Variants in GABRA2 observed in about 807,000 individuals in gnomAD.
GABRA2 encodes gamma-aminobutyric acid type A receptor subunit alpha2, also known as gamma-aminobutyric acid receptor subunit alpha-2.
Under a neutral mutation model 48.7 loss-of-function variants are expected in GABRA2, and 16 were observed. That is an observed-to-expected ratio of 0.33 (90% CI 0.22 to 0.50). The LOEUF (loss-of-function observed/expected upper bound fraction) is 0.50. Ranked by LOEUF, GABRA2 falls within the 20% of genes least tolerant of loss-of-function variation. GABRA2 has a pLI of 0.98. For synonymous variants in GABRA2, 185 were observed against 184.5 expected (o/e 1.00, Z -0.02); for missense variants, 275 against 535.6 (o/e 0.51, Z 4.80).
chr4:46,357,492 C>A (rs1321712018), intron 3 of GABRA2, among the ~76,000 whole-genome samples: 1 of 150,138 alleles, frequency 6.7e-6, no homozygotes, highest in Admixed American at 6.7e-5. Flanking sequence ...TGTGTATAAC[C>A]TTGGCCAATT....
chr4:46,335,373 A>G (rs778198427), intron 3 of GABRA2, among the ~76,000 whole-genome samples: 1 of 152,160 alleles, frequency 6.6e-6, no homozygotes, highest in African/African-American at 2.4e-5. Flanking sequence ...GAACAGATGT[A>G]TGTTACAGAG....
At chr4:46,355,155 T>C (rs1254250215) in intron 3 of GABRA2, among the ~76,000 whole-genome samples, 1 of 152,122 alleles carries the variant, frequency 6.6e-6, no homozygotes, top group Admixed American at 6.6e-5. Context: ...GTGCTAAAAA[T>C]TTATATTAAA....
At chr4:46,284,136 G>T (rs1398686934) in intron 8 of GABRA2, among the ~76,000 whole-genome samples, 1 of 149,730 alleles carries the variant, frequency 6.7e-6, no homozygotes, top group Non-Finnish European at 1.5e-5. Flanking sequence ...AAAAATACAA[G>T]TTCATAATTC....
intron 3 of GABRA2, chr4:46,365,532 G>A (rs1439986763): frequency 6.6e-6 from 1 of 151,996 alleles, no homozygotes; most frequent in Non-Finnish European, 1.5e-5. Flanking sequence ...AAATCAAAAG[G>A]CACATGGGAA....
intron 4 of GABRA2, among the ~76,000 whole-genome samples, chr4:46,331,423 G>A (rs1028887218): frequency 2.6e-5 from 4 of 152,106 alleles, no homozygotes; most frequent in African/African-American, 4.8e-5. Flanking sequence ...TAACGGAAAC[G>A]TAGGGAGCTC....
intron 5 of GABRA2, among the ~76,000 whole-genome samples, chr4:46,310,770 T>A (rs985069220): frequency 6.6e-6 from 1 of 152,194 alleles, no homozygotes; most frequent in Admixed American, 6.5e-5. Context: ...TAAATACATA[T>A]ACAGATGTAT....
chr4:46,383,007 T>A (rs1193718585), intron 3 of GABRA2, among the ~76,000 whole-genome samples: 4 of 152,130 alleles, frequency 2.6e-5, no homozygotes, highest in African/African-American at 9.7e-5. Flanking sequence ...TACAGGTAAT[T>A]TCCCTGAGTT....
At chr4:46,347,932 A>G (rs1234190220) in intron 3 of GABRA2, among the ~76,000 whole-genome samples, 1 of 152,022 alleles carries the variant, frequency 6.6e-6, no homozygotes, top group East Asian at 1.9e-4. Flanking sequence ...AAAGGTTCTA[A>G]TTAAATTAAA....
At chr4:46,343,603 T>G (rs1360200817) in intron 3 of GABRA2, among the ~76,000 whole-genome samples, 1 of 151,896 alleles carries the variant, frequency 6.6e-6, no homozygotes, top group Admixed American at 6.6e-5. Context: ...AGAAGAATAA[T>G]ACAAGGTGGA....
chr4:46,252,403 G>C (rs147861190), intron 9 of GABRA2, among the ~76,000 whole-genome samples: 1 of 151,426 alleles, frequency 6.6e-6, no homozygotes, highest in Non-Finnish European at 1.5e-5. Flanking sequence ...AGAATGTGTC[G>C]GGTTGATTGT....
At chr4:46,352,978 A>G (rs1735387773) in intron 3 of GABRA2, among the ~76,000 whole-genome samples, 2 of 152,030 alleles carry the variant, frequency 1.3e-5, no homozygotes, top group Admixed American at 1.3e-4. Flanking sequence ...GTCTCCATAC[A>G]CTTTAAAGTT....
rs548132647 is a variant in GABRA2, at chr4:46,253,492, A to G, written c.1060-2888T>C. ...ATAAGCAGTGTTAAAACTCGTTCCA[A>G]GTTATGTTTGCAATTTTTATTGACA... is the stretch of plus-strand genomic sequence containing the variant. On this transcript the variant is annotated intron_variant, in intron 9 of 9. Transcript: ENST00000381620. Among the ~76,000 whole-genome samples the G allele has an allele frequency of 4.6e-5, 7 of 151,614 alleles. No individual in the cohort carries two copies. In the South Asian group the frequency reaches 1.5e-3, roughly 31 times the overall value.
chr4:46,251,493 T>C (rs1389434416), intron 9 of GABRA2, among the ~76,000 whole-genome samples: 1 of 151,428 alleles, frequency 6.6e-6, no homozygotes, highest in Non-Finnish European at 1.5e-5. Flanking sequence ...GGTGCCACGC[T>C]TTTAGCCATG....
At chr4:46,303,694 C>T (rs1174464835) in intron 7 of GABRA2, 82 bp from the exon 8 acceptor site, 2 of 1,235,930 alleles carry the variant, frequency 1.6e-6, no homozygotes, top group African/African-American at 1.5e-5. Flanking sequence ...AGAGGTAGAA[C>T]AAAAACTGAT....
chr4:46,344,030 C>A (rs372825766), intron 3 of GABRA2, among the ~76,000 whole-genome samples: 1 of 151,842 alleles, frequency 6.6e-6, no homozygotes, highest in Admixed American at 6.6e-5. Flanking sequence ...TAATAATGTT[C>A]CATGATGCTA....
At chr4:46,256,437 TCTAC>T in intron 9 of GABRA2, 1 of 455,720 alleles carries the variant, frequency 2.2e-6, no homozygotes, top group African/African-American at 2.0e-5. Flanking sequence ...GACATCACTT[TCTAC>T]AGTACCCAGC....
At chr4:46,327,289 C>G (rs1483955938) in intron 4 of GABRA2, among the ~76,000 whole-genome samples, 3 of 151,834 alleles carry the variant, frequency 2.0e-5, no homozygotes, top group African/African-American at 7.3e-5. Context: ...ATAGGAAGAT[C>G]CCAGGAAACA....
At chr4:46,291,776 CATATATATATATAT>C (rs560142153) in intron 8 of GABRA2, among the ~76,000 whole-genome samples, 1 of 144,754 alleles carries the variant, frequency 6.9e-6, no homozygotes, top group African/African-American at 2.6e-5. Flanking sequence ...TAAACACACA[CATATATATATATAT>C]ACATATACAT....
At chr4:46,306,969 T>C (rs192078266) in intron 6 of GABRA2, among the ~76,000 whole-genome samples, 84 of 152,306 alleles carry the variant, frequency 5.5e-4, no homozygotes, top group African/African-American at 2.0e-3. Context: ...GTTTTCTGAA[T>C]GTTGCTACTA....
Sources: allele counts gnomAD v4.1 joint callset (sites outside exome capture counted in the v4.1 genomes callset), GRCh38; gene constraint gnomAD v4.1.1; transcripts MANE v1.5; gene names NCBI Gene and HGNC (gene_info 2026-07-23, HGNC 2026-07-21).